RBFOX1: variants seen among roughly 807,000 people sequenced by gnomAD.
RBFOX1 encodes RNA binding fox-1 homolog 1.
Under a neutral mutation model 57.7 loss-of-function variants are expected in RBFOX1, and 8 were observed. The observed-to-expected ratio is 0.14, with a 90% CI of 0.08 to 0.25. RBFOX1 has a LOEUF of 0.25. Among genes scored for constraint, RBFOX1 ranks in the 10% least tolerant of loss-of-function variants. The pLI, the probability that RBFOX1 is intolerant of heterozygous loss-of-function variation, is 1.00. For synonymous variants in RBFOX1, 326 were observed against 222.4 expected (o/e 1.47, Z -4.15); for missense variants, 611 against 548.5 (o/e 1.11, Z -1.14).
rs540308216 is a variant in RBFOX1, at chr16:7,506,364, C to G, written c.28-11783C>G. On this transcript the variant is annotated intron_variant, in intron 4 of 15. Transcript: ENST00000550418. The stretch of plus-strand genomic sequence containing the variant: ...ACCTGGCACTAACAAGTTGTGTGAG[C>G]ATGAGCAAGTAATCCCACCTAGCTT... Among the ~76,000 whole-genome samples, 10 of 152,128 alleles carry G rather than the reference C, an allele frequency of 6.6e-5. No homozygotes were observed. The South Asian group carries it at 2.1e-3, about 32-fold the overall frequency.
chr16:6,348,309 G>C (rs1184527571), intron 2 of RBFOX1, among the ~76,000 whole-genome samples: 1 of 152,190 alleles, frequency 6.6e-6, no homozygotes, highest in Non-Finnish European at 1.5e-5. Flanking sequence ...CTCTGTAAAA[G>C]AGAGATGGTA....
At chr16:6,293,117 C>G (rs932361698) in intron 1 of RBFOX1, among the ~76,000 whole-genome samples, 42 of 152,132 alleles carry the variant, frequency 2.8e-4, no homozygotes, top group Admixed American at 2.7e-3. Context: ...TATATATTCA[C>G]TATGTGCTTT....
At chr16:5,316,034 C>T (rs956788219) in intron 1 of RBFOX1, among the ~76,000 whole-genome samples, 7 of 152,200 alleles carry the variant, frequency 4.6e-5, no homozygotes, top group African/African-American at 1.7e-4. Flanking sequence ...CCCCGCCCTA[C>T]TCCTCTCCTT....
At chr16:6,995,701 C>T (rs1023300524) in intron 3 of RBFOX1, among the ~76,000 whole-genome samples, 3 of 151,762 alleles carry the variant, frequency 2.0e-5, no homozygotes, top group African/African-American at 7.3e-5. Context: ...ACAGAGGTTG[C>T]AGTGAGCCAA....
At chr16:6,488,115 T>G (rs530136602) in intron 2 of RBFOX1, among the ~76,000 whole-genome samples, 1 of 152,264 alleles carries the variant, frequency 6.6e-6, no homozygotes, top group South Asian at 2.1e-4. Flanking sequence ...AATGTTTGTT[T>G]TACAGAGAAG....
At chr16:7,003,244 A>C (rs1413159100) in intron 3 of RBFOX1, among the ~76,000 whole-genome samples, 4 of 152,050 alleles carry the variant, frequency 2.6e-5, no homozygotes, top group Admixed American at 2.6e-4. Context: ...GTGGATCACA[A>C]GGTCAGCAGA....
intron 4 of RBFOX1, among the ~76,000 whole-genome samples, chr16:7,120,147 A>C (rs1302939328): frequency 6.6e-6 from 1 of 152,106 alleles, no homozygotes; most frequent in Non-Finnish European, 1.5e-5. Flanking sequence ...AACTTAAATG[A>C]AAATACATTT....
intron 4 of RBFOX1, among the ~76,000 whole-genome samples, chr16:5,956,879 C>A (rs1392140735): frequency 6.6e-6 from 1 of 150,676 alleles, no homozygotes; most frequent in African/African-American, 2.4e-5. Context: ...CCATTTTGGC[C>A]AGGCTGCTTG....
Position 5,418,705 on chromosome 16 carries a change from C to T in RBFOX1, c.220-48511C>T, listed in dbSNP as rs769200728. On this transcript the variant is annotated intron_variant, in intron 1 of 2. Coordinates refer to the RBFOX1 transcript ENST00000585867. ...TCCCTCTTCTGGCTTTCATTCGACT[C>T]CCTCTCCCAATGTTCCTTCATCCTT... Among the ~76,000 whole-genome samples the T allele has an allele frequency of 2.5e-4, 38 of 152,260 alleles. 1 individual carries two copies. The highest frequency in any genetic ancestry group is 3.8e-4 in the Non-Finnish European group (26 of 68,020).
At chr16:6,710,067 G>A (rs972339709) in intron 3 of RBFOX1, among the ~76,000 whole-genome samples, 2 of 152,108 alleles carry the variant, frequency 1.3e-5, no homozygotes, top group Non-Finnish European at 2.9e-5. Flanking sequence ...TGCAAGAGGT[G>A]ATTTGCCCTA....
chr16:6,346,764 T>G (rs2085444869), intron 2 of RBFOX1, among the ~76,000 whole-genome samples: 1 of 152,328 alleles, frequency 6.6e-6, no homozygotes, highest in African/African-American at 2.4e-5. Flanking sequence ...TTGAAATAAC[T>G]TCGTAATTGA....
At chr16:5,622,003 A>G (rs1049353322) in intron 3 of RBFOX1, among the ~76,000 whole-genome samples, 4 of 152,236 alleles carry the variant, frequency 2.6e-5, no homozygotes, top group Non-Finnish European at 4.4e-5. Flanking sequence ...CCACGTGTCA[A>G]AAGTAAACAT....
At chr16:5,465,332 A>G (rs2068920085) in intron 1 of RBFOX1, among the ~76,000 whole-genome samples, 1 of 151,812 alleles carries the variant, frequency 6.6e-6, no homozygotes, top group Non-Finnish European at 1.5e-5. Context: ...CAGAAGTCAG[A>G]CTGGATCAGG....
intron 3 of RBFOX1, among the ~76,000 whole-genome samples, chr16:5,774,619 G>T (rs1461301606): frequency 6.6e-6 from 1 of 152,178 alleles, no homozygotes; most frequent in African/African-American, 2.4e-5. Flanking sequence ...TTTACATGGT[G>T]TCTACTGTGT....
chr16:6,481,681 GA>G (rs1464663585), intron 2 of RBFOX1, among the ~76,000 whole-genome samples: 1 of 152,128 alleles, frequency 6.6e-6, no homozygotes, highest in Non-Finnish European at 1.5e-5. Context: ...TGTGTCAGGG[GA>G]TCATACAAGA....
rs530485492 is a variant in RBFOX1, at chr16:5,982,262, T to C, written c.351+114927T>C. Among the ~76,000 whole-genome samples, 6 of 151,186 alleles carry C rather than the reference T, an allele frequency of 4.0e-5. No individual in the cohort carries two copies. In the East Asian group the frequency reaches 1.2e-3, roughly 30 times the overall value. On this transcript the variant is annotated intron_variant, in intron 4 of 19. Transcript: ENST00000641259. ...AGGGATGTTCCCACCATAGGGCCTT[T>C]GCACATGAATTTTTTTTTTTCTTTT...
intron 2 of RBFOX1, among the ~76,000 whole-genome samples, chr16:6,433,941 G>C (rs537812981): frequency 6.7e-6 from 1 of 148,470 alleles, no homozygotes; most frequent in Admixed American, 6.8e-5. Flanking sequence ...TCCACCTCCC[G>C]GGTTCAAGCA....
rs138387151 is a variant in RBFOX1 at position 7,040,053 on chromosome 16, G to C, written c.-15-12004G>C. On this transcript the variant is annotated intron_variant, in intron 3 of 15. Coordinates refer to ENST00000550418, the MANE Select transcript of RBFOX1 (RefSeq NM_018723.4). Reference sequence around the variant, plus strand: ...TATTATTATTTTGAGACAAAGTCTTGCTCTGTCACCAGGTTGGAGTGCAGT... The same window carrying C: ...TATTATTATTTTGAGACAAAGTCTTCCTCTGTCACCAGGTTGGAGTGCAGT... Among the ~76,000 whole-genome samples, 924 of 151,502 alleles carry C rather than the reference G, an allele frequency of 6.1e-3. 11 individuals carry two copies. Among genetic ancestry groups the C allele is most frequent in the African/African-American group, 0.021 (870 of 41,302 alleles).
At chr16:5,243,504 G>T (rs1250117007) in intron 1 of RBFOX1, among the ~76,000 whole-genome samples, 2 of 152,194 alleles carry the variant, frequency 1.3e-5, no homozygotes, top group Non-Finnish European at 2.9e-5. Context: ...CGTGGTGCTG[G>T]TGGGGGCCGT....
Sources: allele counts gnomAD v4.1 joint callset (sites outside exome capture counted in the v4.1 genomes callset), GRCh38; gene constraint gnomAD v4.1.1; transcripts MANE v1.5; gene names NCBI Gene and HGNC (gene_info 2026-07-23, HGNC 2026-07-21).